DOCK8: variants seen among roughly 807,000 people sequenced by gnomAD.
DOCK8 encodes the protein dedicator of cytokinesis 8.
DOCK8 carries 141 observed loss-of-function variants against 245.6 expected under a neutral mutation model. The observed-to-expected ratio is 0.57, with a 90% CI of 0.50 to 0.66. The LOEUF (loss-of-function observed/expected upper bound fraction) is 0.66, where lower values mean the gene tolerates loss of function less well. Ranked by LOEUF, DOCK8 falls within the 30% of genes least tolerant of loss-of-function variation. The pLI is 0.00. For synonymous variants in DOCK8, 1,168 were observed against 970.2 expected (o/e 1.20, Z -3.79); for missense variants, 2,965 against 2,603.4 (o/e 1.14, Z -3.02).
At chr9:409,398 C>G (rs17842836) in intron 28 of DOCK8, among the ~76,000 whole-genome samples, 20,059 of 152,172 alleles carry the variant, frequency 0.13, 1,394 homozygotes, top group Admixed American at 0.17. Flanking sequence ...GGACCACAGA[C>G]TAAGAACAAG....
chr9:334,532 T>C (rs2051216593), intron 11 of DOCK8, 148 bp downstream of exon 11: 1 of 826,194 alleles, frequency 1.2e-6, no homozygotes, highest in Admixed American at 2.7e-5. Flanking sequence ...CTGTTATGAC[T>C]GGATTACGTA....
At chr9:217,271 C>T (rs1430115624) in intron 1 of DOCK8, among the ~76,000 whole-genome samples, 2 of 152,182 alleles carry the variant, frequency 1.3e-5, no homozygotes, top group Non-Finnish European at 1.5e-5. Flanking sequence ...TCTCCATCAT[C>T]ACCATCTTTG....
intron 1 of DOCK8, among the ~76,000 whole-genome samples, chr9:228,420 T>TA (rs1377163215): frequency 7.2e-5 from 11 of 152,322 alleles, no homozygotes; most frequent in Admixed American, 3.9e-4. Context: ...GACACTGACA[T>TA]ACTACCTTTC....
intron 29 of DOCK8, among the ~76,000 whole-genome samples, chr9:415,444 G>A (rs907492610): frequency 6.6e-6 from 1 of 152,018 alleles, no homozygotes; most frequent in Non-Finnish European, 1.5e-5. Context: ...GAGAAATATT[G>A]CCCTTGGCAC....
chr9:425,989 T>C (rs2056484968), intron 33 of DOCK8, among the ~76,000 whole-genome samples: 1 of 152,106 alleles, frequency 6.6e-6, no homozygotes, highest in African/African-American at 2.4e-5. Flanking sequence ...GTGGTAACCC[T>C]GGCCCAGGAC....
In DOCK8 at chr9:377,136, G is replaced by C; in HGVS notation, c.2365G>C (p.Val789Leu). Residue 789 changes from valine to leucine, a missense_variant, in exon 20 of 48, where the codon GTG (valine) becomes CTG (leucine). This residue lies in a region of DOCK8 where 2,825 missense variants were observed against 2,453.5 expected (regional missense o/e 1.15). Coordinates refer to ENST00000432829, the MANE Select transcript of DOCK8 (RefSeq NM_203447.4). ...GAACTCCTCCCGCCTGGAGCCGCTC[G>C]TGCTCTTCCTGCACCTGGTGCTGGA... ...CLNSSRLEPL[V>L]LFLHLVLDKL... 3 of 1,608,492 alleles carry C rather than the reference G, an allele frequency of 1.9e-6. No individual in the cohort carries two copies. The highest frequency in any genetic ancestry group is 2.5e-6 in the Non-Finnish European group (3 of 1,179,826).
At chr9:403,931 T>C (rs1441235979) in intron 26 of DOCK8, among the ~76,000 whole-genome samples, 3 of 76,282 alleles carry the variant, frequency 3.9e-5, no homozygotes, top group African/African-American at 2.5e-4. Context: ...TATATATATG[T>C]GTATATATAT....
intron 33 of DOCK8, among the ~76,000 whole-genome samples, chr9:423,423 A>C (rs2056358470): frequency 6.6e-6 from 1 of 152,250 alleles, no homozygotes; most frequent in South Asian, 2.1e-4. Context: ...CACCCCTCAC[A>C]CACAGTTGAC....
intron 46 of DOCK8, among the ~76,000 whole-genome samples, chr9:453,139 A>G (rs1402259807): frequency 6.6e-6 from 1 of 152,250 alleles, no homozygotes; most frequent in East Asian, 1.9e-4. Context: ...CTCCTCCTTC[A>G]CAGGCTTTTG....
chr9:365,534 A>C (rs1037402795), intron 14 of DOCK8: 1 of 441,368 alleles, frequency 2.3e-6, no homozygotes, highest in Non-Finnish European at 4.5e-6. Context: ...TAATAATAGA[A>C]GTCTACTGCT....
At chr9:333,339 C>T (rs915602707) in intron 10 of DOCK8, among the ~76,000 whole-genome samples, 76 of 152,314 alleles carry the variant, frequency 5.0e-4, no homozygotes, top group African/African-American at 1.6e-3. Context: ...TGGTGGCTCA[C>T]ACCTGTAATC....
intron 44 of DOCK8, among the ~76,000 whole-genome samples, chr9:449,490 G>A (rs1387635165): frequency 6.6e-6 from 1 of 152,160 alleles, no homozygotes; most frequent in Non-Finnish European, 1.5e-5. Flanking sequence ...TACTACCTGT[G>A]GCATTCTGTG....
At chr9:320,009 G>T (rs1025683750) in intron 7 of DOCK8, among the ~76,000 whole-genome samples, 4 of 152,218 alleles carry the variant, frequency 2.6e-5, no homozygotes, top group African/African-American at 9.6e-5. Context: ...TGGTTGAGTA[G>T]GTCTCAGGTG....
intron 46 of DOCK8, among the ~76,000 whole-genome samples, chr9:453,810 TAAAA>T (rs1186866935): frequency 6.6e-6 from 1 of 152,178 alleles, no homozygotes; most frequent in Non-Finnish European, 1.5e-5. Context: ...ATTGGGGGCT[TAAAA>T]AAATTTTTTT....
At chr9:376,118 C>G (rs957770133) in intron 18 of DOCK8, 92 bp from the exon 19 acceptor site, 11 of 905,742 alleles carry the variant, frequency 1.2e-5, no homozygotes, top group East Asian at 1.2e-4. Context: ...TTGTATAACC[C>G]TGACATTTCC....
rs144585314 is a variant in DOCK8, at chr9:257,942, G to C, written c.54-13685G>C. Among the ~76,000 whole-genome samples the C allele has an allele frequency of 1.7e-4, 26 of 152,312 alleles. No individual in the cohort carries two copies. The East Asian group carries it at 4.4e-3, about 26-fold the overall frequency. On this transcript the variant is annotated intron_variant, in intron 1 of 47. Coordinates refer to ENST00000432829, the MANE Select transcript of DOCK8 (RefSeq NM_203447.4). Reference sequence around the variant, plus strand: ...GGGGATGTTGATGTTGCTGGTCCCAGGACCACATTTTGAGAACCACTGCAA... The same window carrying C: ...GGGGATGTTGATGTTGCTGGTCCCACGACCACATTTTGAGAACCACTGCAA...
intron 14 of DOCK8, among the ~76,000 whole-genome samples, chr9:358,448 T>G (rs927129512): frequency 6.6e-6 from 1 of 152,212 alleles, no homozygotes; most frequent in Non-Finnish European, 1.5e-5. Flanking sequence ...TAACAAGGTA[T>G]AAAATTTCTG....
At chr9:237,770 C>G (rs1031167094) in intron 1 of DOCK8, among the ~76,000 whole-genome samples, 2 of 152,092 alleles carry the variant, frequency 1.3e-5, no homozygotes, top group African/African-American at 2.4e-5. Context: ...GTTGTTCAGC[C>G]AGTTTTTTTT....
chr9:324,156 G>A (rs2050648483), intron 7 of DOCK8, among the ~76,000 whole-genome samples: 1 of 152,228 alleles, frequency 6.6e-6, no homozygotes, highest in African/African-American at 2.4e-5. Context: ...CCAGGTCTCT[G>A]CCTGGGTGCC....
Sources: allele counts gnomAD v4.1 joint callset (sites outside exome capture counted in the v4.1 genomes callset), GRCh38; gene constraint gnomAD v4.1.1; regional missense constraint gnomAD v4.1.1; transcripts MANE v1.5; gene names NCBI Gene and HGNC (gene_info 2026-07-23, HGNC 2026-07-21).